The following TTN variants were observed in gnomAD, a reference collection of about 807,000 sequenced individuals.
TTN encodes the protein connectin.
TTN carries 1,525 observed loss-of-function variants against 3,223.0 expected under a neutral mutation model. The observed-to-expected ratio is 0.47, with a 90% CI of 0.45 to 0.49. TTN has a LOEUF of 0.49. TTN is among the 20% of genes least tolerant of loss of function. The pLI, the probability that TTN is intolerant of heterozygous loss-of-function variation, is 0.00. For missense variants in TTN, 40,786 were observed against 43,424.0 expected (o/e 0.94, Z 5.40); for synonymous variants, 14,094 against 15,161.0 (o/e 0.93, Z 5.17).
In TTN at chr2:178,618,714, G is replaced by A; in HGVS notation, c.46836C>T (p.Thr15612=). 6.2e-7 allele frequency: 1 copy of A among 1,611,990 alleles called. No homozygotes were observed. The highest frequency in any genetic ancestry group is 1.1e-5 in the South Asian group (1 of 91,000). ...AAGTTTGTTCAGCCGTAGTATCAAT[G>A]GTTTTTGTAGATAAAGGTTCATTTT... ...FKENEPLSTK[T]IDTTAEQTSF... is the part of the protein sequence containing the mutation. Residue 15612 remains threonine, a synonymous_variant, in exon 251 of 363, where the codon ACC becomes ACT. Transcript: ENST00000589042.
Position 178,532,670 on chromosome 2 carries a change from G to T in TTN, c.103945C>A (p.Arg34649=). 6.2e-7 allele frequency: 1 copy of T among 1,613,938 alleles called. No homozygotes were observed. The highest frequency in any genetic ancestry group is 8.5e-7 in the Non-Finnish European group (1 of 1,179,856). The part of the protein sequence containing the change: ...TPSPDYDFYY[R]PRRRSLGDIS... ...TCCCCAAGAGAACGTCTTCTAGGTC[G>T]GTAGTAAAAGTCATAATCAGGAGAA... The change falls in exon 358 of 363, where the codon CGA becomes AGA. Residue 34649 remains arginine, a synonymous_variant. Transcript: ENST00000589042.
chr2:178,741,508 T>G lies in TTN; in HGVS notation c.11725A>C (p.Ile3909Leu). 3 of 1,613,920 alleles carry G rather than the reference T, an allele frequency of 1.9e-6. No homozygotes were observed. Among genetic ancestry groups the G allele is most frequent in the South Asian group, 1.1e-5 (1 of 91,082 alleles). Residue 3909 changes from isoleucine to leucine, a missense_variant, in exon 48 of 363, where the codon ATT becomes CTT. Ile to Leu is a conservative substitution (Grantham distance 5, BLOSUM62 2). Transcript: ENST00000589042. Reference protein sequence around the residue: ...GKTICSAYLKINSKGEGHKDT... With the variant: ...GKTICSAYLKLNSKGEGHKDT... ...TTGTGACCCTCTCCTTTGGAATTAA[T>G]TTTTAGATAGGCACTACATATTGTC...
chr2:178,747,399 T>C, intron 47 of TTN: 1 of 1,613,352 alleles, frequency 6.2e-7, no homozygotes, highest in Non-Finnish European at 8.5e-7. Context: ...TCAGGGGACT[T>C]TGGAGATTCA....
chr2:178,712,292 A>G, intron 95 of TTN, 23 bp downstream of exon 95: 1 of 1,609,780 alleles, frequency 6.2e-7, no homozygotes. Context: ...ATACAAAGAT[A>G]AAAATGTGCA....
chr2:178,552,934 C>G lies in TTN; in HGVS notation c.89966G>C (p.Ser29989Thr). Residue 29989 changes from serine to threonine, a missense_variant, in exon 335 of 363, where the codon AGC (serine) becomes ACC (threonine). Coordinates refer to ENST00000589042, the MANE Select transcript of TTN (RefSeq NM_001267550.2). Reference sequence around the variant, plus strand: ...CAAATCTATTAGCTTGAAGGATGTGCTAGAACATTTGTGTGACACGACAGA... The same window carrying G: ...CAAATCTATTAGCTTGAAGGATGTGGTAGAACATTTGTGTGACACGACAGA... ...TWSVVSHKCS[S>T]TSFKLIDLSE... 6.2e-7 allele frequency: 1 copy of G among 1,613,518 alleles called. No homozygotes were observed.
chr2:178,757,360 T>C (rs1239566197), intron 45 of TTN, among the ~76,000 whole-genome samples, 182 bp downstream of exon 45: 1 of 152,072 alleles, frequency 6.6e-6, no homozygotes, highest in African/African-American at 2.4e-5. Flanking sequence ...TTCAGTGAAA[T>C]TTAAAGTATG....
In TTN at chr2:178,548,278, T is replaced by C. The variant is rs750732179; in HGVS notation, c.93348A>G (p.Pro31116=). The C allele has an allele frequency of 2.5e-6, 4 of 1,613,816 alleles. No homozygotes were observed. Among genetic ancestry groups the C allele is most frequent in the Non-Finnish European group, 3.4e-6 (4 of 1,179,792 alleles). ...EPIVATEQPA[P]PRRLDVVDTS... Reference sequence around the variant, plus strand: ...TATCAACAACATCAAGTCTCCTAGGTGGAGCAGGCTGTTCTGTGGCTACAA... The same window carrying C: ...TATCAACAACATCAAGTCTCCTAGGCGGAGCAGGCTGTTCTGTGGCTACAA... The change falls in exon 339 of 363, where the codon CCA becomes CCG. Residue 31116 remains proline (P), a synonymous_variant. Transcript: ENST00000589042. The surrounding 1 kb of genome is among the most constrained non-coding windows in gnomAD (Gnocchi z 4.3).
chr2:178,662,941 A>T (rs1299548883), intron 174 of TTN, 25 bp downstream of exon 174: 1 of 1,610,392 alleles, frequency 6.2e-7, no homozygotes, highest in African/African-American at 1.3e-5. Flanking sequence ...GGGCCCCCCG[A>T]CTGACAATGT....
Position 178,588,182 on chromosome 2 carries a change from A to G in TTN, c.63225T>C (p.Asp21075=). The G allele has an allele frequency of 6.3e-7, 1 of 1,594,360 alleles. No homozygotes were observed. The highest frequency in any genetic ancestry group is 8.6e-7 in the Non-Finnish European group (1 of 1,166,154). Residue 21075 remains aspartate (D), a synonymous_variant, in exon 305 of 363, where the codon GAT becomes GAC. Transcript: ENST00000589042. ...CAAGAGTTATGGAATGTTTGGTTGT[A>G]TCAACCACTCTGAAATTGGTTGGTG... is the stretch of plus-strand genomic sequence containing the variant. The part of the protein sequence containing the change: ...PGPPTNFRVV[D]TTKHSITLGW...
rs763668385 is a variant in TTN, at chr2:178,547,073, A to G, written c.94452T>C (p.Tyr31484=). 13 of 1,613,730 alleles carry G rather than the reference A, an allele frequency of 8.1e-6. No homozygotes were observed. In the Admixed American group the frequency reaches 1.0e-4, roughly 12 times the overall value. Residue 31484 remains tyrosine, a synonymous_variant, in exon 340 of 363, where the codon TAT becomes TAC. Transcript: ENST00000589042. ...VEGLEYQFRT[Y]ALNAAGVSKA... ...TGCTAACACCTGCAGCATTGAGTGCATAAGTTCTGAACTGATATTCCAGTC... is the reference window on the plus strand; with the variant it reads ...TGCTAACACCTGCAGCATTGAGTGCGTAAGTTCTGAACTGATATTCCAGTC...
rs72650016 is a variant in TTN at position 178,698,818 on chromosome 2, A to G, written c.30754+25T>C. 1.5e-4 allele frequency: 236 copies of G among 1,534,738 alleles called. 4 individuals carry two copies. In the South Asian group the frequency reaches 1.9e-3, roughly 12 times the overall value. On this transcript the variant is annotated intron_variant, in intron 112 of 362. Coordinates refer to ENST00000589042, the MANE Select transcript of TTN (RefSeq NM_001267550.2). ...TTTTGGCCAAGAAAAAAGTGTTAAG[A>G]CTGCTTTTTGATTAATTATAATACC...
intron 257 of TTN, 58 bp downstream of exon 257, chr2:178,616,421 T>C: frequency 1.3e-6 from 2 of 1,595,614 alleles, no homozygotes; most frequent in South Asian, 1.1e-5. Flanking sequence ...CATCCCAACC[T>C]TCTGGGATTT....
rs757892719 is a variant in TTN, at chr2:178,750,512, A to G, written c.11311+2612T>C. On this transcript the variant is annotated intron_variant, in intron 47 of 362. Transcript: ENST00000589042. ...AGGATATCCTTGAAAATGACACACAAAATTACAACTGTCACCTTCATAAAC... is the reference window on the plus strand; with the variant it reads ...AGGATATCCTTGAAAATGACACACAGAATTACAACTGTCACCTTCATAAAC... 6.8e-6 allele frequency: 11 copies of G among 1,612,674 alleles called. 1 individual carries two copies. The Admixed American group carries it at 8.4e-5, about 12-fold the overall frequency.
At position 178,621,987 on chromosome 2, in the gene TTN, C is replaced by T; in HGVS notation, c.44935G>A (p.Ala14979Thr). 6.2e-7 allele frequency: 1 copy of T among 1,609,146 alleles called. No individual in the cohort carries two copies. The highest frequency in any genetic ancestry group is 8.5e-7 in the Non-Finnish European group (1 of 1,177,328). Residue 14979 changes from alanine (A) to threonine (T), a missense_variant, in exon 244 of 363, where the codon GCT becomes ACT. Physicochemically the swap from Ala to Thr is moderately conservative, Grantham distance 58 (BLOSUM62 0). Coordinates refer to ENST00000589042, the MANE Select transcript of TTN (RefSeq NM_001267550.2). ...NAKVKWFKDG[A>T]EIKKGKKYDI... ...TATTTTTTGCCCTTTTTAATTTCAG[C>T]ACCATCTTTAAACCACTTAACCTAT... is the stretch of plus-strand genomic sequence containing the variant.
chr2:178,600,736 T>C, intron 288 of TTN, 118 bp downstream of exon 288: 1 of 1,225,542 alleles, frequency 8.2e-7, no homozygotes, highest in Non-Finnish European at 1.2e-6. Flanking sequence ...CATGTCTACA[T>C]TCAAGCCATA....
In TTN at chr2:178,769,721, C is replaced by T; in HGVS notation, c.8860G>A (p.Val2954Ile). The T allele has an allele frequency of 6.2e-7, 1 of 1,613,618 alleles. No homozygotes were observed. The highest frequency in any genetic ancestry group is 8.5e-7 in the Non-Finnish European group (1 of 1,179,798). The part of the protein sequence containing the change: ...STEDSAEYTF[V>I]CGNDQVSATL... The stretch of plus-strand genomic sequence containing the variant: ...GCACTGACTTGGTCATTGCCACAGA[C>T]AAATGTGTATTCTGCCGAGTCCTCT... The change falls in exon 37 of 363, where the codon GTC (valine) becomes ATC (isoleucine). Residue 2954 changes from valine (V) to isoleucine (I), a missense_variant. Transcript: ENST00000589042.
chr2:178,748,968 T>C (rs764838839), intron 47 of TTN: 6 of 1,612,436 alleles, frequency 3.7e-6, no homozygotes, highest in South Asian at 3.3e-5. Context: ...GATGTTCTGG[T>C]AGGTCTTTTT....
In TTN at chr2:178,613,842, G is replaced by A; in HGVS notation, c.49441C>T (p.Pro16481Ser). The change falls in exon 263 of 363, where the codon CCA becomes TCA. Residue 16481 changes from proline to serine, a missense_variant. Coordinates refer to ENST00000589042, the MANE Select transcript of TTN (RefSeq NM_001267550.2). ...CTTTCAACCCAGTATCCTGTGATTG[G>A]GCTGCCACCATCATCATCTGGCTCA... The part of the protein sequence containing the change: ...WCEPDDDGGS[P>S]ITGYWVERLD... The A allele has an allele frequency of 6.2e-7, 1 of 1,612,430 alleles. No individual in the cohort carries two copies. Among genetic ancestry groups the A allele is most frequent in the Non-Finnish European group, 8.5e-7 (1 of 1,179,064 alleles).
chr2:178,609,014 C>A, intron 273 of TTN, 106 bp from the exon 274 acceptor site: 1 of 1,423,858 alleles, frequency 7.0e-7, no homozygotes, highest in Non-Finnish European at 9.4e-7. Context: ...GGTTTTCCCA[C>A]ATCTATCTTT....
Sources: gnomAD v4.1 joint callset for allele counts (sites outside exome capture counted in the v4.1 genomes callset) on GRCh38, gnomAD v4.1.1 for gene constraint, Gnocchi (gnomAD v3.1) non-coding constraint, MANE v1.5 for transcripts, NCBI Gene and HGNC (gene_info 2026-07-23, HGNC 2026-07-21) for gene names.